NFIC: variants seen among roughly 807,000 people sequenced by gnomAD.
NFIC encodes nuclear factor 1 C-type.
A neutral mutation model predicts 54.4 loss-of-function variants in NFIC; 12 were observed. The ratio of observed to expected loss-of-function variants is 0.22; its 90% CI spans 0.14 to 0.36. NFIC has a LOEUF of 0.36. Among genes scored for constraint, NFIC ranks in the 10% least tolerant of loss-of-function variants. NFIC has a pLI of 1.00. For synonymous variants in NFIC, 322 were observed against 319.2 expected (o/e 1.01, Z -0.09); for missense variants, 575 against 718.2 (o/e 0.80, Z 2.28).
upstream of NFIC, among the ~76,000 whole-genome samples, chr19:3,366,040 T>TC (rs1423766857): frequency 8.6e-6 from 1 of 116,662 alleles, no homozygotes; most frequent in African/African-American, 3.3e-5. Flanking sequence ...ATTCCTTCCC[T>TC]CCCCCCTGGC....
At chr19:3,420,225 A>AT (rs1467377373) in intron 2 of NFIC, among the ~76,000 whole-genome samples, 1 of 152,002 alleles carries the variant, frequency 6.6e-6, no homozygotes, top group African/African-American at 2.4e-5. Flanking sequence ...GGAAGCTCAG[A>AT]TAGGAGGATG....
chr19:3,397,944 T>G (rs2081491320), intron 2 of NFIC, among the ~76,000 whole-genome samples: 1 of 152,038 alleles, frequency 6.6e-6, no homozygotes, highest in African/African-American at 2.4e-5. Flanking sequence ...AGGGTTTGGG[T>G]TTGACCTTGG....
chr19:3,447,388 C>T (rs1341588235), intron 6 of NFIC, among the ~76,000 whole-genome samples: 3 of 152,008 alleles, frequency 2.0e-5, no homozygotes, highest in Non-Finnish European at 2.9e-5. Context: ...CTGGAAATAC[C>T]CAAAATGGCC....
intron 10 of NFIC, among the ~76,000 whole-genome samples, chr19:3,461,096 G>A (rs1478262971): frequency 6.6e-6 from 1 of 151,968 alleles, no homozygotes; most frequent in African/African-American, 2.4e-5. Context: ...CTGCACTCCA[G>A]CCTGGTGACA....
intron 6 of NFIC, among the ~76,000 whole-genome samples, chr19:3,440,866 C>G (rs545076677): frequency 6.6e-6 from 1 of 152,322 alleles, no homozygotes; most frequent in South Asian, 2.1e-4. Flanking sequence ...GTGACTTGCT[C>G]TGTCGCCCAG....
chr19:3,398,648 C>G (rs2081503412), intron 2 of NFIC, among the ~76,000 whole-genome samples: 1 of 152,170 alleles, frequency 6.6e-6, no homozygotes, highest in South Asian at 2.1e-4. Flanking sequence ...GGGCTGTACC[C>G]TGTGACAGCT....
At chr19:3,437,229 G>C (rs554262023) in intron 6 of NFIC, among the ~76,000 whole-genome samples, 2 of 152,230 alleles carry the variant, frequency 1.3e-5, no homozygotes, top group African/African-American at 4.8e-5. Flanking sequence ...ATAGCCGGGC[G>C]TGGCGGCGGG....
At chr19:3,457,383 A>T (rs139613173) in intron 10 of NFIC, among the ~76,000 whole-genome samples, 5 of 152,110 alleles carry the variant, frequency 3.3e-5, no homozygotes, top group Admixed American at 6.5e-5. Flanking sequence ...GAGGCTGCAC[A>T]GTAGTCTAGG....
intron 2 of NFIC, among the ~76,000 whole-genome samples, chr19:3,384,381 CTT>C (rs201073407): frequency 2.8e-5 from 4 of 145,418 alleles, no homozygotes; most frequent in Non-Finnish European, 4.6e-5. Context: ...GTTACCCAGT[CTT>C]TTTTTTTTTT....
Position 3,450,589 on chromosome 19 carries a change from A to G in NFIC, c.1084+1450A>G, listed in dbSNP as rs897822203. ...AGAATTTCTTGAACCCGGGAGGCGG[A>G]GGCTGCAGTGAGCCAAGATTGTGCC... On this transcript the variant is annotated intron_variant, in intron 7 of 10. Coordinates refer to ENST00000443272, the MANE Select transcript of NFIC (RefSeq NM_001245002.2). 1.6e-4 allele frequency among the ~76,000 whole-genome samples: 24 copies of G among 151,966 alleles called. 1 individual carries two copies. The highest frequency in any genetic ancestry group is 9.2e-4 in the Admixed American group (14 of 15,252).
At chr19:3,401,335 G>A (rs1414480766) in intron 2 of NFIC, among the ~76,000 whole-genome samples, 1 of 152,070 alleles carries the variant, frequency 6.6e-6, no homozygotes, top group Admixed American at 6.6e-5. Context: ...GGGGGGTGAG[G>A]GCAGGAGCTG....
At chr19:3,424,277 C>G (rs964653675) in intron 2 of NFIC, among the ~76,000 whole-genome samples, 8 of 152,150 alleles carry the variant, frequency 5.3e-5, no homozygotes, top group African/African-American at 1.9e-4. Flanking sequence ...ATTTTCCTGC[C>G]TTGGCCTCCC....
chr19:3,456,215 G>A (rs957194550), intron 9 of NFIC, among the ~76,000 whole-genome samples: 2 of 152,350 alleles, frequency 1.3e-5, no homozygotes, highest in Middle Eastern at 3.4e-3. Context: ...TGGCAGGACC[G>A]GGCGGGCGCT....
intron 10 of NFIC, among the ~76,000 whole-genome samples, chr19:3,461,361 T>C (rs2082636187): frequency 6.6e-6 from 1 of 151,956 alleles, no homozygotes; most frequent in South Asian, 2.1e-4. Flanking sequence ...AGATGGAGGC[T>C]GCAGTGAGCT....
intron 2 of NFIC, among the ~76,000 whole-genome samples, chr19:3,393,364 G>A (rs1024704839): frequency 2.0e-5 from 3 of 152,144 alleles, no homozygotes; most frequent in Non-Finnish European, 2.9e-5. Flanking sequence ...GGAGGAAGAC[G>A]CGAGAATCTC....
At chr19:3,384,629 T>C (rs1414983593) in intron 2 of NFIC, among the ~76,000 whole-genome samples, 2 of 152,132 alleles carry the variant, frequency 1.3e-5, no homozygotes, top group Non-Finnish European at 2.9e-5. Context: ...ACTCAAACGA[T>C]CCACTGGCCT....
intron 1 of NFIC, among the ~76,000 whole-genome samples, chr19:3,378,175 C>A (rs993734948): frequency 1.3e-5 from 2 of 151,144 alleles, no homozygotes; most frequent in Non-Finnish European, 2.9e-5. Context: ...GCAGGAGAAT[C>A]TCTTGAACCT....
chr19:3,417,352 C>A (rs989657988), intron 2 of NFIC, among the ~76,000 whole-genome samples: 3 of 152,114 alleles, frequency 2.0e-5, no homozygotes, highest in East Asian at 3.9e-4. Context: ...TTGGGAAATA[C>A]GCTGTGCGCA....
chr19:3,452,377 A>G lies in NFIC; in HGVS notation c.1085-105A>G. ...TTTGGTGGTTATTGTTACTAAACGC[A>G]CTGAGATGCCGGCAGGAATGACACC... On this transcript the variant is annotated intron_variant, in intron 7 of 10. Coordinates refer to ENST00000443272, the MANE Select transcript of NFIC (RefSeq NM_001245002.2). The surrounding 1 kb of genome is among the most constrained non-coding windows in gnomAD (Gnocchi z 5.3). 1 of 1,431,008 alleles carries G rather than the reference A, an allele frequency of 7.0e-7. No homozygotes were observed. Among genetic ancestry groups the G allele is most frequent in the Non-Finnish European group, 9.6e-7 (1 of 1,046,600 alleles). The allele number at this position is 1,431,008 out of a possible 1,614,324, so 88.6% of individuals were successfully genotyped here. A position where few individuals can be genotyped will look rare whatever the true frequency, so the allele number is the denominator to read the frequency against.
Sources: gnomAD v4.1 joint callset for allele counts (sites outside exome capture counted in the v4.1 genomes callset) on GRCh38, gnomAD v4.1.1 for gene constraint, Gnocchi (gnomAD v3.1) non-coding constraint, MANE v1.5 for transcripts, NCBI Gene and HGNC (gene_info 2026-07-23, HGNC 2026-07-21) for gene names.